SYT2: variants seen among roughly 807,000 people sequenced by gnomAD.
SYT2 encodes the protein synaptotagmin 2, also known as synaptotagmin-2.
Under a neutral mutation model 39.9 loss-of-function variants are expected in SYT2, and 15 were observed. The ratio of observed to expected loss-of-function variants is 0.38; its 90% CI spans 0.25 to 0.58. The LOEUF (loss-of-function observed/expected upper bound fraction) is 0.58. Ranked by LOEUF, SYT2 falls within the 20% of genes least tolerant of loss-of-function variation. The pLI, the probability that SYT2 is intolerant of heterozygous loss-of-function variation, is 0.70. For missense variants in SYT2, 389 were observed against 530.3 expected (o/e 0.73, Z 2.62); for synonymous variants, 181 against 204.5 (o/e 0.89, Z 0.98).
At chr1:202,695,318 T>TAG (rs1470158903) in intron 1 of SYT2, among the ~76,000 whole-genome samples, 2 of 152,170 alleles carry the variant, frequency 1.3e-5, no homozygotes, top group African/African-American at 2.4e-5. Flanking sequence ...CACCTTGATC[T>TAG]AGAGATATAA....
At chr1:202,708,530 C>A (rs1654308065) in intron 1 of SYT2, among the ~76,000 whole-genome samples, 1 of 152,018 alleles carries the variant, frequency 6.6e-6, no homozygotes, top group Non-Finnish European at 1.5e-5. Context: ...GAGGCAGCCA[C>A]CCTGAGGGAA....
At chr1:202,631,627 G>C (rs1572641936) in intron 1 of SYT2, among the ~76,000 whole-genome samples, 1 of 152,110 alleles carries the variant, frequency 6.6e-6, no homozygotes, top group Non-Finnish European at 1.5e-5. Flanking sequence ...AGCACCGAGG[G>C]CTGGAGCCAG....
chr1:202,679,293 C>G (rs1037099196), intron 1 of SYT2, among the ~76,000 whole-genome samples: 1 of 152,134 alleles, frequency 6.6e-6, no homozygotes, highest in Non-Finnish European at 1.5e-5. Context: ...GGGCTTGGGC[C>G]TCCCCTGAAC....
intron 1 of SYT2, among the ~76,000 whole-genome samples, chr1:202,703,244 G>A (rs1268844790): frequency 1.3e-5 from 2 of 151,882 alleles, no homozygotes; most frequent in East Asian, 1.9e-4. Flanking sequence ...CCTCTTTGAC[G>A]CTACCACCCT....
At chr1:202,678,602 C>T (rs964006989) in intron 1 of SYT2, among the ~76,000 whole-genome samples, 20 of 152,082 alleles carry the variant, frequency 1.3e-4, no homozygotes, top group Non-Finnish European at 2.9e-4. Context: ...TCTGGGGCTT[C>T]CCCCCTCCCT....
intron 1 of SYT2, among the ~76,000 whole-genome samples, chr1:202,606,192 T>C (rs1690702034): frequency 6.6e-6 from 1 of 152,066 alleles, no homozygotes; most frequent in Non-Finnish European, 1.5e-5. Context: ...AACCTAATGG[T>C]TTTTATTGGT....
At chr1:202,651,385 T>C (rs1692192138) in intron 1 of SYT2, among the ~76,000 whole-genome samples, 1 of 151,992 alleles carries the variant, frequency 6.6e-6, no homozygotes, top group African/African-American at 2.4e-5. Context: ...GAGTTCAGCC[T>C]GGGACACGAT....
intron 1 of SYT2, among the ~76,000 whole-genome samples, chr1:202,662,045 C>T (rs916846655): frequency 2.0e-5 from 3 of 152,156 alleles, no homozygotes; most frequent in Non-Finnish European, 4.4e-5. Flanking sequence ...CAATGTACAA[C>T]GTATGATGAT....
At chr1:202,673,443 G>A (rs1572671491) in intron 1 of SYT2, among the ~76,000 whole-genome samples, 1 of 152,286 alleles carries the variant, frequency 6.6e-6, no homozygotes, top group East Asian at 1.9e-4. Flanking sequence ...ATGTATCAAT[G>A]TTCTGTGTCC....
At chr1:202,697,999 A>C (rs1654016285) in intron 1 of SYT2, among the ~76,000 whole-genome samples, 1 of 152,054 alleles carries the variant, frequency 6.6e-6, no homozygotes, top group Non-Finnish European at 1.5e-5. Context: ...TACGGACAGG[A>C]GGAGCCAGAG....
At chr1:202,639,647 C>T (rs943268280) in intron 1 of SYT2, 11 of 985,354 alleles carry the variant, frequency 1.1e-5, no homozygotes, top group East Asian at 1.1e-4. Flanking sequence ...TGCTGGCTTG[C>T]GTTCCCTCAT....
chr1:202,698,044 G>A (rs932697429), intron 1 of SYT2, among the ~76,000 whole-genome samples: 12 of 152,072 alleles, frequency 7.9e-5, no homozygotes, highest in Non-Finnish European at 1.8e-4. Context: ...CGGGGAGGGT[G>A]AAGGATCAGG....
chr1:202,631,243 A>C (rs1691581309), intron 1 of SYT2, among the ~76,000 whole-genome samples: 1 of 152,136 alleles, frequency 6.6e-6, no homozygotes, highest in African/African-American at 2.4e-5. Context: ...AACCGCAGGG[A>C]GTTCCAGTTC....
intron 1 of SYT2, among the ~76,000 whole-genome samples, chr1:202,702,229 C>T (rs1654139959): frequency 6.6e-6 from 1 of 152,338 alleles, no homozygotes; most frequent in South Asian, 2.1e-4. Flanking sequence ...CTGGGGCTGG[C>T]TTGCCAATGG....
intron 1 of SYT2, among the ~76,000 whole-genome samples, chr1:202,690,669 C>A (rs1028150875): frequency 1.3e-5 from 2 of 152,230 alleles, no homozygotes; most frequent in Non-Finnish European, 2.9e-5. Flanking sequence ...CTTCAATATT[C>A]ATTCGACAAC....
Position 202,596,834 on chromosome 1 carries a change from G to A in SYT2, c.1183C>T (p.Pro395Ser). ...LRHWSDMLAN[P>S]RRPIAQWHSL... ...TGCCACTGGGCGATGGGCCTCCGGG[G>A]GTTGGCCAGCATGTCGGACCAGTGC... The change falls in exon 9 of 9, where the codon CCC becomes TCC. Residue 395 changes from proline (P) to serine (S), a missense_variant. Physicochemically the swap from Pro to Ser is moderately conservative, Grantham distance 74. Coordinates refer to ENST00000367268, the MANE Select transcript of SYT2 (RefSeq NM_177402.5). 4.3e-6 allele frequency: 7 copies of A among 1,614,156 alleles called. No homozygotes were observed. Among genetic ancestry groups the A allele is most frequent in the African/African-American group, 1.3e-5 (1 of 75,040 alleles).
chr1:202,599,214 G>A lies in SYT2; in HGVS notation c.1053+4C>T. 1.2e-6 allele frequency: 2 copies of A among 1,613,142 alleles called. No individual in the cohort carries two copies. Among genetic ancestry groups the A allele is most frequent in the Non-Finnish European group, 1.7e-6 (2 of 1,179,598 alleles). On this transcript the variant is annotated splice_donor_region_variant and intron_variant, in intron 8 of 8. Coordinates refer to ENST00000367268, the MANE Select transcript of SYT2 (RefSeq NM_177402.5). This position sits in a 1 kb window ranked among gnomAD's most constrained non-coding sequence, Gnocchi z 4.4. ...CCATGCCTAGGAACCCAGGGCTCCA[G>A]CACCTGAATCTGCTCGAAGGGGATC...
At chr1:202,643,563 G>A (rs1395427299) in intron 1 of SYT2, 1 of 152,094 alleles carries the variant, frequency 6.6e-6, no homozygotes, top group African/African-American at 2.4e-5. Context: ...CGGCCCCTCC[G>A]AGGGCGATCC....
chr1:202,654,640 G>T (rs1692248982), intron 1 of SYT2, among the ~76,000 whole-genome samples: 1 of 152,120 alleles, frequency 6.6e-6, no homozygotes, highest in Non-Finnish European at 1.5e-5. Flanking sequence ...ATTGACCCCT[G>T]CCCCCGCCCA....
Sources: gnomAD v4.1 joint callset for allele counts (sites outside exome capture counted in the v4.1 genomes callset) on GRCh38, gnomAD v4.1.1 for gene constraint, Gnocchi (gnomAD v3.1) non-coding constraint, MANE v1.5 for transcripts, NCBI Gene and HGNC (gene_info 2026-07-23, HGNC 2026-07-21) for gene names.